The following KIF16B variants were observed in gnomAD, a reference collection of about 807,000 sequenced individuals.
The protein encoded by KIF16B is kinesin-like protein KIF16B.
KIF16B carries 98 observed loss-of-function variants against 156.3 expected under a neutral mutation model. The ratio of observed to expected loss-of-function variants is 0.63; its 90% CI spans 0.53 to 0.74. The LOEUF is 0.74. Among genes scored for constraint, KIF16B ranks in the 30% least tolerant of loss-of-function variants. The pLI, the probability that KIF16B is intolerant of heterozygous loss-of-function variation, is 0.00. For synonymous variants in KIF16B, 564 were observed against 583.7 expected (o/e 0.97, Z 0.49); for missense variants, 1,421 against 1,606.5 (o/e 0.88, Z 1.97).
chr20:16,449,125 T>C (rs977160331), intron 12 of KIF16B, among the ~76,000 whole-genome samples: 2 of 151,110 alleles, frequency 1.3e-5, no homozygotes, highest in Admixed American at 6.6e-5. Context: ...TGAAACGTAA[T>C]GGGAACTGCA....
intron 15 of KIF16B, among the ~76,000 whole-genome samples, chr20:16,419,665 C>G (rs2066176081): frequency 6.6e-6 from 1 of 152,006 alleles, no homozygotes; most frequent in South Asian, 2.1e-4. Flanking sequence ...CAAGTAAGAC[C>G]AAAGGAGTCC....
chr20:16,478,544 T>C lies in KIF16B; in HGVS notation c.1302+15747A>G, dbSNP rs113404135. 3.6e-3 allele frequency among the ~76,000 whole-genome samples: 545 copies of C among 152,278 alleles called. 3 individuals carry two copies. The highest frequency in any genetic ancestry group is 0.012 in the African/African-American group (513 of 41,536). Reference sequence around the variant, plus strand: ...TTCAAAAGTTTAAAATTCATACTGTTCTCAGTCGCATGATGAACTCTCTCA... The same window carrying C: ...TTCAAAAGTTTAAAATTCATACTGTCCTCAGTCGCATGATGAACTCTCTCA... On this transcript the variant is annotated intron_variant, in intron 12 of 25. Coordinates refer to ENST00000354981, the MANE Select transcript of KIF16B (RefSeq NM_024704.5).
chr20:16,328,851 T>G (rs1439063100), intron 24 of KIF16B, among the ~76,000 whole-genome samples: 1 of 152,098 alleles, frequency 6.6e-6, no homozygotes, highest in Non-Finnish European at 1.5e-5. Flanking sequence ...ACTAATCCCA[T>G]TTATGAGGGT....
chr20:16,322,539 T>C (rs958756323), intron 24 of KIF16B, among the ~76,000 whole-genome samples: 1 of 152,040 alleles, frequency 6.6e-6, no homozygotes, highest in Non-Finnish European at 1.5e-5. Context: ...GCTAGCTATA[T>C]GTATATGTAT....
At chr20:16,514,755 G>A (rs1246751823) in intron 4 of KIF16B, among the ~76,000 whole-genome samples, 1 of 151,298 alleles carries the variant, frequency 6.6e-6, no homozygotes, top group Non-Finnish European at 1.5e-5. Flanking sequence ...GCAGGGCGTG[G>A]TGGTGCACAC....
intron 4 of KIF16B, among the ~76,000 whole-genome samples, chr20:16,514,628 C>T (rs578185587): frequency 4.9e-4 from 73 of 147,508 alleles, no homozygotes; most frequent in African/African-American, 1.8e-3. Flanking sequence ...CAGTGGCTCA[C>T]GCCTGTAATC....
At chr20:16,347,331 C>T (rs1226927869) in intron 23 of KIF16B, among the ~76,000 whole-genome samples, 1 of 152,050 alleles carries the variant, frequency 6.6e-6, no homozygotes, top group East Asian at 1.9e-4. Context: ...ATTCTGAAAC[C>T]AAGGAAGGAG....
chr20:16,409,446 G>A (rs554877305), intron 15 of KIF16B, among the ~76,000 whole-genome samples: 1 of 152,128 alleles, frequency 6.6e-6, no homozygotes, highest in South Asian at 2.1e-4. Context: ...GTTGTAAGAG[G>A]AAGACACTGA....
intron 17 of KIF16B, among the ~76,000 whole-genome samples, chr20:16,397,579 G>A (rs2065540616): frequency 1.3e-5 from 2 of 152,316 alleles, no homozygotes; most frequent in South Asian, 4.1e-4. Context: ...TTGCTCTGAG[G>A]ATAACTTGGA....
chr20:16,522,020 A>G (rs2069370895), intron 3 of KIF16B, among the ~76,000 whole-genome samples: 1 of 152,244 alleles, frequency 6.6e-6, no homozygotes, highest in South Asian at 2.1e-4. Flanking sequence ...TCCTGAAGGA[A>G]GCACAAAATA....
At chr20:16,531,742 TAAAGCTAGAA>T (rs1217307007) in intron 1 of KIF16B, among the ~76,000 whole-genome samples, 1 of 152,170 alleles carries the variant, frequency 6.6e-6, no homozygotes, top group African/African-American at 2.4e-5. Flanking sequence ...AAGGGAAATC[TAAAGCTAGAA>T]AAGACATTAA....
Position 16,336,023 on chromosome 20 carries a change from C to G in KIF16B, c.3622-8G>C. On this transcript the variant is annotated splice_region_variant and splice_polypyrimidine_tract_variant and intron_variant, in intron 23 of 25. Transcript: ENST00000354981. Reference sequence around the variant, plus strand: ...CTCATCTAGGACAGTAATCTATTAACCAGGAAAACCAAAATGAATAAGCAT... The same window carrying G: ...CTCATCTAGGACAGTAATCTATTAAGCAGGAAAACCAAAATGAATAAGCAT... 1 of 1,533,214 alleles carries G rather than the reference C, an allele frequency of 6.5e-7. No homozygotes were observed. Among genetic ancestry groups the G allele is most frequent in the Non-Finnish European group, 8.9e-7 (1 of 1,124,820 alleles). The allele number at this position is 1,533,214 out of a possible 1,614,324, so 95.0% of individuals were successfully genotyped here.
intron 25 of KIF16B, among the ~76,000 whole-genome samples, chr20:16,280,495 A>G (rs906376693): frequency 6.6e-6 from 1 of 152,212 alleles, no homozygotes. Context: ...GGCCTTGAAT[A>G]TGGATTCAGC....
chr20:16,369,402 G>T, intron 22 of KIF16B: 1 of 445,558 alleles, frequency 2.2e-6, no homozygotes, highest in Non-Finnish European at 3.0e-6. Flanking sequence ...TAAGCCATTT[G>T]TATTGATACA....
chr20:16,498,390 A>AG (rs2068515550), intron 10 of KIF16B, among the ~76,000 whole-genome samples: 1 of 151,944 alleles, frequency 6.6e-6, no homozygotes, highest in Admixed American at 6.6e-5. Context: ...GGAAGAAAAA[A>AG]GAAAGAGAAT....
intron 12 of KIF16B, among the ~76,000 whole-genome samples, chr20:16,466,216 T>C (rs1332151764): frequency 6.6e-6 from 1 of 152,372 alleles, no homozygotes; most frequent in East Asian, 1.9e-4. Context: ...TAGTTTCCAG[T>C]TCAGCATGTT....
chr20:16,431,589 C>T (rs535592873), intron 12 of KIF16B, among the ~76,000 whole-genome samples: 1 of 152,152 alleles, frequency 6.6e-6, no homozygotes, highest in African/African-American at 2.4e-5. Flanking sequence ...GTTGTCACTT[C>T]AGACCAGGTA....
At chr20:16,305,737 C>A (rs576759957) in intron 25 of KIF16B, among the ~76,000 whole-genome samples, 1 of 152,278 alleles carries the variant, frequency 6.6e-6, no homozygotes, top group East Asian at 1.9e-4. Context: ...CCATGAGATA[C>A]ACGTTTTTTG....
chr20:16,456,727 C>T lies in KIF16B; in HGVS notation c.1303-26745G>A, dbSNP rs116854490. Among the ~76,000 whole-genome samples, 39 of 152,256 alleles carry T rather than the reference C, an allele frequency of 2.6e-4. No individual in the cohort carries two copies. The East Asian group carries it at 7.3e-3, about 29-fold the overall frequency. On this transcript the variant is annotated intron_variant, in intron 12 of 25. Coordinates refer to ENST00000354981, the MANE Select transcript of KIF16B (RefSeq NM_024704.5). ...ATGCTCTACTACTCAGTGGTACTCC[C>T]CCACTCTCCCTCCCCCGAACCATGG...
Sources: allele counts gnomAD v4.1 joint callset (sites outside exome capture counted in the v4.1 genomes callset), GRCh38; gene constraint gnomAD v4.1.1; transcripts MANE v1.5; gene names NCBI Gene and HGNC (gene_info 2026-07-23, HGNC 2026-07-21).